The following CGNL1 variants were observed in gnomAD, a reference collection of about 807,000 sequenced individuals.
CGNL1 encodes the protein cingulin-like protein 1.
In CGNL1, 132 loss-of-function variants were observed where a neutral mutation model predicts 141.2. The ratio of observed to expected loss-of-function variants is 0.93; its 90% CI spans 0.81 to 1.08. The LOEUF (loss-of-function observed/expected upper bound fraction) is 1.08, where lower values mean the gene tolerates loss of function less well. Among genes scored for constraint, CGNL1 ranks in the 50% least tolerant of loss-of-function variants. The pLI, the probability that CGNL1 is intolerant of heterozygous loss-of-function variation, is 0.00. For synonymous variants in CGNL1, 690 were observed against 622.1 expected (o/e 1.11, Z -1.63); for missense variants, 1,870 against 1,588.6 (o/e 1.18, Z -3.01).
chr15:57,413,221 T>TCCTCTCTTCCTC (rs750428591), intron 1 of CGNL1, among the ~76,000 whole-genome samples: 9,949 of 136,556 alleles, frequency 0.073, 421 homozygotes, highest in Middle Eastern at 0.14. Context: ...CTTCCTCTCT[T>TCCTCTCTTCCTC]CCTCCCTCCC....
At chr15:57,416,010 A>T (rs1440688663) in intron 1 of CGNL1, among the ~76,000 whole-genome samples, 1 of 152,042 alleles carries the variant, frequency 6.6e-6, no homozygotes, top group African/African-American at 2.4e-5. Flanking sequence ...CCTCTCTGAG[A>T]CTGAACCGCT....
At chr15:57,441,518 G>A (rs573722640) in intron 3 of CGNL1, among the ~76,000 whole-genome samples, 4 of 152,088 alleles carry the variant, frequency 2.6e-5, no homozygotes, top group African/African-American at 7.2e-5. Flanking sequence ...ATAGGTGTGC[G>A]CCACCATGTC....
At chr15:57,394,625 T>C (rs1454415319) in intron 1 of CGNL1, among the ~76,000 whole-genome samples, 1 of 152,192 alleles carries the variant, frequency 6.6e-6, no homozygotes, top group Non-Finnish European at 1.5e-5. Flanking sequence ...TTCTTGTAAA[T>C]TGGAGACTAT....
intron 1 of CGNL1, among the ~76,000 whole-genome samples, chr15:57,400,874 C>A (rs1362512262): frequency 2.4e-5 from 3 of 124,864 alleles, no homozygotes; most frequent in South Asian, 2.6e-4. Context: ...CAGAATGAGA[C>A]CCTGTCTCAA....
At chr15:57,415,901 G>A (rs2062843192) in intron 1 of CGNL1, among the ~76,000 whole-genome samples, 1 of 152,182 alleles carries the variant, frequency 6.6e-6, no homozygotes. Flanking sequence ...TTTTCCCAGC[G>A]AACCTCCAGT....
chr15:57,417,933 C>A (rs929448031), intron 1 of CGNL1, among the ~76,000 whole-genome samples: 1 of 152,124 alleles, frequency 6.6e-6, no homozygotes, highest in Non-Finnish European at 1.5e-5. Flanking sequence ...ACACTGTCTT[C>A]AGCTAAGTGG....
chr15:57,423,615 G>A (rs772033688), intron 1 of CGNL1, among the ~76,000 whole-genome samples: 3 of 152,142 alleles, frequency 2.0e-5, no homozygotes, highest in Non-Finnish European at 4.4e-5. Context: ...TCCAGTCTTT[G>A]CCTGCTTAAT....
chr15:57,458,837 C>T (rs947067256), intron 7 of CGNL1, among the ~76,000 whole-genome samples: 5 of 152,116 alleles, frequency 3.3e-5, no homozygotes, highest in African/African-American at 9.7e-5. Context: ...TTTGAAAGAG[C>T]CAGAGCCGGC....
intron 13 of CGNL1, among the ~76,000 whole-genome samples, chr15:57,530,643 T>C (rs2031897947): frequency 6.6e-6 from 1 of 152,146 alleles, no homozygotes; most frequent in South Asian, 2.1e-4. Context: ...GAGGCTTCGG[T>C]GCAGGGCCCA....
intron 1 of CGNL1, among the ~76,000 whole-genome samples, chr15:57,413,185 C>G (rs1359914379): frequency 6.6e-6 from 1 of 150,752 alleles, no homozygotes; most frequent in Non-Finnish European, 1.5e-5. Flanking sequence ...TTCTTTCTTT[C>G]TCTCTTTCTC....
chr15:57,504,701 A>G (rs1391469221), intron 8 of CGNL1, among the ~76,000 whole-genome samples: 2 of 152,116 alleles, frequency 1.3e-5, no homozygotes, highest in Non-Finnish European at 2.9e-5. Flanking sequence ...GATATGGTAG[A>G]TCATTAATGG....
rs757207434 is a variant in CGNL1 at position 57,452,194 on chromosome 15, G to T, written c.1959G>T (p.Glu653Asp). The T allele has an allele frequency of 6.2e-7, 1 of 1,613,932 alleles. No homozygotes were observed. Among genetic ancestry groups the T allele is most frequent in the Non-Finnish European group, 8.5e-7 (1 of 1,179,928 alleles). ...AGAGGATGAGAGCAAACCTAGAAGA[G>T]CTCCGAAGCCAACACAACGAAAAGG... is the stretch of plus-strand genomic sequence containing the variant. The part of the protein sequence containing the change: ...ERERMRANLE[E>D]LRSQHNEKVE... Residue 653 changes from glutamate to aspartate, a missense_variant, in exon 6 of 19, where the codon GAG (glutamate) becomes GAT (aspartate). Coordinates refer to ENST00000281282, the MANE Select transcript of CGNL1 (RefSeq NM_032866.5).
intron 1 of CGNL1, among the ~76,000 whole-genome samples, chr15:57,431,460 A>C (rs1363887875): frequency 3.3e-5 from 5 of 152,210 alleles, no homozygotes; most frequent in African/African-American, 1.2e-4. Context: ...GTTAGGGAAT[A>C]CATTGAAACT....
intron 1 of CGNL1, among the ~76,000 whole-genome samples, chr15:57,391,775 T>C (rs2062545654): frequency 6.6e-6 from 1 of 152,176 alleles, no homozygotes; most frequent in Admixed American, 6.5e-5. Context: ...CAGTGTTTGA[T>C]GTTTGCCTTC....
At chr15:57,518,599 G>T in intron 10 of CGNL1, 102 bp downstream of exon 10, 1 of 771,520 alleles carries the variant, frequency 1.3e-6, no homozygotes, top group Admixed American at 2.2e-5. Flanking sequence ...CTCTTTCCAT[G>T]TAGCTCCCTT....
intron 1 of CGNL1, chr15:57,402,553 G>A (rs775609136): frequency 6.6e-6 from 1 of 152,304 alleles, no homozygotes; most frequent in Non-Finnish European, 1.5e-5. Context: ...TGGACTGCTT[G>A]CCTCCACACT....
chr15:57,506,256 C>A (rs1328415354), intron 8 of CGNL1, among the ~76,000 whole-genome samples: 3 of 152,200 alleles, frequency 2.0e-5, no homozygotes, highest in African/African-American at 7.2e-5. Context: ...TGGGTGGAGT[C>A]CCTTCCGCCA....
intron 1 of CGNL1, among the ~76,000 whole-genome samples, chr15:57,426,582 G>A (rs181415215): frequency 1.1e-3 from 168 of 149,378 alleles, no homozygotes; most frequent in Admixed American, 3.8e-3. Flanking sequence ...GAATAGCTGA[G>A]ACTACAGGCA....
Position 57,409,489 on chromosome 15 carries a change from T to C in CGNL1, c.-15-28496T>C, listed in dbSNP as rs561911462. On this transcript the variant is annotated intron_variant, in intron 1 of 18. Transcript: ENST00000281282. The stretch of plus-strand genomic sequence containing the variant: ...ACAAGCCTGAAGACTGAGGATCAAC[T>C]TAGAAGGCCACAGCTGTAATCCAAT... 2.0e-5 allele frequency among the ~76,000 whole-genome samples: 3 copies of C among 152,200 alleles called. No individual in the cohort carries two copies. The South Asian group carries it at 6.2e-4, about 32-fold the overall frequency.
Sources: gnomAD v4.1 joint callset for allele counts (sites outside exome capture counted in the v4.1 genomes callset) on GRCh38, gnomAD v4.1.1 for gene constraint, MANE v1.5 for transcripts, NCBI Gene and HGNC (gene_info 2026-07-23, HGNC 2026-07-21) for gene names.